TMEM123: variants seen among roughly 807,000 people sequenced by gnomAD.
TMEM123 encodes the protein transmembrane protein 123.
In TMEM123, 16 loss-of-function variants were observed where a neutral mutation model predicts 19.7. The ratio of observed to expected loss-of-function variants is 0.81; its 90% confidence interval spans 0.55 to 1.23. The LOEUF (loss-of-function observed/expected upper bound fraction) is 1.23. TMEM123 is among the 50% of genes most tolerant of loss of function. The pLI is 0.00. For synonymous variants in TMEM123, 118 were observed against 99.4 expected, an observed-to-expected ratio of 1.19 and a Z score of -1.12; for missense variants, 313 against 257.8, an observed-to-expected ratio of 1.21 and a Z score of -1.47.
chr11:102,405,653 C>T (rs972205191), intron 2 of TMEM123, among the ~76,000 whole-genome samples: 30 of 152,110 alleles, frequency 2.0e-4, no homozygotes, highest in African/African-American at 7.2e-4. Context: ...AAACAATGAA[C>T]ACAATGCTGC....
At chr11:102,421,790 G>A (rs1412052496) in intron 2 of TMEM123, among the ~76,000 whole-genome samples, 3 of 152,132 alleles carry the variant, frequency 2.0e-5, no homozygotes, top group African/African-American at 4.8e-5. Context: ...TTGAACATAT[G>A]CTGTGTGCAG....
chr11:102,422,475 A>G (rs957114567), intron 2 of TMEM123, among the ~76,000 whole-genome samples: 1 of 152,164 alleles, frequency 6.6e-6, no homozygotes, highest in Non-Finnish European at 1.5e-5. Context: ...CTCCATCTCC[A>G]AATAAAAGGA....
intron 2 of TMEM123, among the ~76,000 whole-genome samples, chr11:102,438,661 C>T (rs1435893881): frequency 3.9e-5 from 6 of 152,240 alleles, no homozygotes; most frequent in African/African-American, 1.4e-4. Context: ...CAGTCTACAG[C>T]TTCCAGTGTG....
intron 4 of TMEM123, among the ~76,000 whole-genome samples, chr11:102,400,477 C>T (rs1252426495): frequency 6.6e-6 from 1 of 152,216 alleles, no homozygotes; most frequent in Non-Finnish European, 1.5e-5. Flanking sequence ...GTGTGGGACA[C>T]ATGTATGTCA....
At chr11:102,435,867 GA>G (rs1857757346) in intron 2 of TMEM123, among the ~76,000 whole-genome samples, 1 of 151,822 alleles carries the variant, frequency 6.6e-6, no homozygotes, top group African/African-American at 2.4e-5. Flanking sequence ...GCTGGTGGGG[GA>G]ACAGCAGGTA....
intron 2 of TMEM123, among the ~76,000 whole-genome samples, chr11:102,413,103 G>A (rs1952017888): frequency 6.6e-6 from 1 of 152,114 alleles, no homozygotes. Flanking sequence ...TGGAAAGAAA[G>A]GTAAAATGAA....
chr11:102,406,733 T>C (rs1267880525), intron 2 of TMEM123, among the ~76,000 whole-genome samples: 1 of 151,838 alleles, frequency 6.6e-6, no homozygotes, highest in Non-Finnish European at 1.5e-5. Context: ...TAGCCGGGCA[T>C]GGTGGCGGGC....
At chr11:102,430,150 C>T (rs1857681007) in intron 2 of TMEM123, among the ~76,000 whole-genome samples, 1 of 152,212 alleles carries the variant, frequency 6.6e-6, no homozygotes, top group South Asian at 2.1e-4. Flanking sequence ...CAGAAGACAA[C>T]TGTGGCAATT....
intron 2 of TMEM123, among the ~76,000 whole-genome samples, chr11:102,448,584 GTTTTAGAA>G (rs1244221376): frequency 2.6e-5 from 4 of 152,294 alleles, no homozygotes. Flanking sequence ...TACACTTTTT[GTTTTAGAA>G]TTTATTGACA....
chr11:102,431,841 A>C (rs947754688), intron 2 of TMEM123, among the ~76,000 whole-genome samples: 1 of 152,144 alleles, frequency 6.6e-6, no homozygotes, highest in African/African-American at 2.4e-5. Flanking sequence ...AGTTTCCCCC[A>C]TGCTGTTCCC....
chr11:102,401,629 CCAA>C lies in TMEM123; in HGVS notation c.509_511del (p.Val170del). Reference sequence around the variant, plus strand: ...AACTCCCAGCGTTAATACAATACCACCAACAAAGCTCCCAGTATCAAATTTTGA... The same window carrying C: ...AACTCCCAGCGTTAATACAATACCACCAAAGCTCCCAGTATCAAATTTTGA... On this transcript the variant is annotated inframe_deletion, in exon 4 of 5. Transcript: ENST00000398136. The C allele has an allele frequency of 1.9e-6, 3 of 1,608,990 alleles. No individual in the cohort carries two copies. The highest frequency in any genetic ancestry group is 2.5e-6 in the Non-Finnish European group (3 of 1,178,802).
intron 2 of TMEM123, among the ~76,000 whole-genome samples, chr11:102,436,612 C>G (rs4279980): frequency 0.01 from 1,574 of 151,964 alleles, 95 homozygotes; most frequent in Admixed American, 0.079. Context: ...CGTTCAGTAC[C>G]AATTATTGTT....
chr11:102,441,314 G>T lies in TMEM123; in HGVS notation c.157+7498C>A, dbSNP rs543167370. The stretch of plus-strand genomic sequence containing the variant: ...GGAAGTAAAGCACTCCTCAGCAAAT[G>T]TAAAAGAACAGAAATTATAACAAAC... On this transcript the variant is annotated intron_variant, in intron 2 of 4. Transcript: ENST00000398136. Among the ~76,000 whole-genome samples the T allele has an allele frequency of 3.9e-5, 6 of 152,316 alleles. No homozygotes were observed. In the South Asian group the frequency reaches 1.2e-3, roughly 32 times the overall value.
chr11:102,452,388 G>C (rs1339911916), intron 1 of TMEM123, 136 bp downstream of exon 1: 2 of 706,752 alleles, frequency 2.8e-6, no homozygotes, highest in Non-Finnish European at 4.0e-6. Context: ...ACCCCGCCCG[G>C]TCACCTCTGG....
intron 2 of TMEM123, among the ~76,000 whole-genome samples, chr11:102,422,993 C>T (rs1385035362): frequency 6.6e-6 from 1 of 152,144 alleles, no homozygotes; most frequent in East Asian, 1.9e-4. Flanking sequence ...CTCTCAGGCC[C>T]TCAGAACCCA....
rs1951908197 is a variant in TMEM123, at chr11:102,401,056, TA to T, written c.602+482del. On this transcript the variant is annotated intron_variant, in intron 4 of 4. Transcript: ENST00000398136. ...GAGAGTTTTGCTACAGGTAAAATGA[TA>T]AATTATATTATTTATACTAACCACT... is the stretch of plus-strand genomic sequence containing the variant. Among the ~76,000 whole-genome samples, 3 of 152,192 alleles carry T rather than the reference TA, an allele frequency of 2.0e-5. No individual in the cohort carries two copies. The South Asian group carries it at 6.2e-4, about 32-fold the overall frequency.
chr11:102,423,978 A>G (rs1952105875), intron 2 of TMEM123, among the ~76,000 whole-genome samples: 1 of 152,260 alleles, frequency 6.6e-6, no homozygotes, highest in East Asian at 1.9e-4. Flanking sequence ...TTTTAAAAAA[A>G]TCATCTCCTG....
chr11:102,402,293 A>G, intron 2 of TMEM123, 87 bp from the exon 3 acceptor site: 1 of 1,362,140 alleles, frequency 7.3e-7, no homozygotes, highest in Non-Finnish European at 1.0e-6. Flanking sequence ...GGTCACAGAC[A>G]AAGCAAGAGA....
chr11:102,415,844 A>C (rs1952040257), intron 2 of TMEM123, among the ~76,000 whole-genome samples: 1 of 152,216 alleles, frequency 6.6e-6, no homozygotes, highest in Non-Finnish European at 1.5e-5. Flanking sequence ...ACTCAATGAA[A>C]TTGAGATGTG....
Sources: gnomAD v4.1 joint callset for allele counts (sites outside exome capture counted in the v4.1 genomes callset) on GRCh38, gnomAD v4.1.1 for gene constraint, MANE v1.5 for transcripts, NCBI Gene and HGNC (gene_info 2026-07-23, HGNC 2026-07-21) for gene names.